LSAMP: variants seen among roughly 807,000 people sequenced by gnomAD.
LSAMP encodes limbic system-associated membrane protein.
In LSAMP, 7 loss-of-function variants were observed where a neutral mutation model predicts 38.6. That is an observed-to-expected ratio of 0.18 (90% CI 0.10 to 0.34). The LOEUF is 0.34. Ranked by LOEUF, LSAMP falls within the 10% of genes least tolerant of loss-of-function variation. The pLI, the probability that LSAMP is intolerant of heterozygous loss-of-function variation, is 1.00. For synonymous variants in LSAMP, 154 were observed against 166.8 expected (o/e 0.92, Z 0.59); for missense variants, 313 against 420.0 (o/e 0.75, Z 2.23).
At chr3:116,068,572 C>T (rs984247717) in intron 2 of LSAMP, among the ~76,000 whole-genome samples, 10 of 151,986 alleles carry the variant, frequency 6.6e-5, no homozygotes, top group Admixed American at 2.6e-4. Flanking sequence ...GTAAATGGGT[C>T]GATAAGATTT....
intron 3 of LSAMP, among the ~76,000 whole-genome samples, chr3:115,923,148 C>A (rs1937421472): frequency 6.6e-6 from 1 of 152,128 alleles, no homozygotes; most frequent in South Asian, 2.1e-4. Flanking sequence ...CTCAGTTGCC[C>A]AAGACACTCA....
At chr3:116,207,953 G>C (rs1345767798) in intron 1 of LSAMP, among the ~76,000 whole-genome samples, 6 of 148,446 alleles carry the variant, frequency 4.0e-5, no homozygotes, top group Non-Finnish European at 9.0e-5. Context: ...GGCCTGCCTT[G>C]CTAGATTGGG....
intron 1 of LSAMP, among the ~76,000 whole-genome samples, chr3:116,180,056 G>A (rs747115724): frequency 6.6e-6 from 1 of 151,982 alleles, no homozygotes; most frequent in South Asian, 2.1e-4. Flanking sequence ...GCTCATTTTC[G>A]TTCAATCATT....
chr3:116,113,636 AG>A (rs1323985167), intron 1 of LSAMP, among the ~76,000 whole-genome samples: 1 of 151,438 alleles, frequency 6.6e-6, no homozygotes, highest in African/African-American at 2.4e-5. Context: ...TGTTTTAGCC[AG>A]GATGGTCTCG....
chr3:116,273,814 T>C (rs2047011825), intron 1 of LSAMP, among the ~76,000 whole-genome samples: 1 of 146,282 alleles, frequency 6.8e-6, no homozygotes, highest in African/African-American at 2.5e-5. Flanking sequence ...TTTCTTTCTT[T>C]CTCTCTCTCT....
At chr3:115,861,959 G>A (rs755500909) in intron 3 of LSAMP, among the ~76,000 whole-genome samples, 15 of 152,122 alleles carry the variant, frequency 9.9e-5, no homozygotes, top group Non-Finnish European at 1.6e-4. Context: ...CCTCGGGTGC[G>A]GGGAAGAAGA....
Position 115,943,667 on chromosome 3 carries a change from A to C in LSAMP, c.514+75848T>G, listed in dbSNP as rs545313207. Among the ~76,000 whole-genome samples the C allele has an allele frequency of 3.3e-5, 5 of 152,334 alleles. No individual in the cohort carries two copies. The South Asian group carries it at 1.0e-3, about 32-fold the overall frequency. On this transcript the variant is annotated intron_variant, in intron 3 of 6. Transcript: ENST00000490035. ...TCACTTAAATGGGCATTTGCCCAAG[A>C]GATGCTACTTCACCTTCTGAAATCT... is the stretch of plus-strand genomic sequence containing the variant.
At chr3:115,830,477 G>A (rs1934572084) in intron 6 of LSAMP, among the ~76,000 whole-genome samples, 2 of 152,200 alleles carry the variant, frequency 1.3e-5, no homozygotes, top group South Asian at 4.1e-4. Context: ...AGGTTGAAAT[G>A]TAGGTGTCCT....
intron 1 of LSAMP, among the ~76,000 whole-genome samples, chr3:116,318,016 A>C (rs2047655810): frequency 6.6e-6 from 1 of 150,818 alleles, no homozygotes; most frequent in Admixed American, 6.6e-5. Context: ...GGTGCCTGTA[A>C]TCCCAGCTAC....
At chr3:116,268,440 T>C (rs1324214459) in intron 1 of LSAMP, among the ~76,000 whole-genome samples, 4 of 151,978 alleles carry the variant, frequency 2.6e-5, no homozygotes, top group Non-Finnish European at 5.9e-5. Flanking sequence ...TTCTCAGCTG[T>C]ATCTGAGGCA....
intron 1 of LSAMP, among the ~76,000 whole-genome samples, chr3:116,170,155 G>A (rs1006261880): frequency 1.3e-5 from 2 of 152,076 alleles, no homozygotes; most frequent in Non-Finnish European, 2.9e-5. Flanking sequence ...AAGCCTCTAT[G>A]TATAAGATTA....
At chr3:116,048,423 C>G (rs1277508629) in intron 2 of LSAMP, among the ~76,000 whole-genome samples, 1 of 152,084 alleles carries the variant, frequency 6.6e-6, no homozygotes, top group Non-Finnish European at 1.5e-5. Context: ...AAATATAGTG[C>G]ATTAAAGTGG....
chr3:115,926,859 TC>T (rs1937508868), intron 3 of LSAMP, among the ~76,000 whole-genome samples: 1 of 152,210 alleles, frequency 6.6e-6, no homozygotes, highest in African/African-American at 2.4e-5. Context: ...CTTTTCTTTC[TC>T]TTTTTTGTAC....
chr3:116,037,814 G>GAT (rs150224963), intron 2 of LSAMP, among the ~76,000 whole-genome samples: 1,853 of 151,632 alleles, frequency 0.012, 17 homozygotes, highest in Non-Finnish European at 0.021. Context: ...TAATCATACT[G>GAT]ATATATATAT....
intron 2 of LSAMP, among the ~76,000 whole-genome samples, chr3:116,031,193 G>A (rs1940911095): frequency 2.0e-5 from 3 of 152,056 alleles, no homozygotes. Flanking sequence ...AAAGGGTTCG[G>A]GGAACAATTC....
chr3:116,351,342 G>A (rs1002111254), intron 1 of LSAMP, among the ~76,000 whole-genome samples: 3 of 152,024 alleles, frequency 2.0e-5, no homozygotes, highest in African/African-American at 7.2e-5. Flanking sequence ...AGCTAGACAT[G>A]TGAAGGGAGA....
intron 1 of LSAMP, among the ~76,000 whole-genome samples, chr3:116,146,357 C>T (rs909114614): frequency 6.6e-6 from 1 of 151,898 alleles, no homozygotes; most frequent in Non-Finnish European, 1.5e-5. Context: ...TGATTCAGCT[C>T]TTTGCTACTT....
intron 1 of LSAMP, among the ~76,000 whole-genome samples, chr3:116,283,488 T>G (rs2107684440): frequency 6.6e-6 from 1 of 152,296 alleles, no homozygotes; most frequent in South Asian, 2.1e-4. Flanking sequence ...CAATAAAGTC[T>G]AAGTTTTGTG....
intron 6 of LSAMP, chr3:115,834,500 C>T (rs958083863): frequency 8.0e-6 from 9 of 1,122,074 alleles, no homozygotes; most frequent in Middle Eastern, 4.6e-4. Flanking sequence ...GTGTGTTTTG[C>T]ATGTTAAAGA....
Sources: gnomAD v4.1 joint callset for allele counts (sites outside exome capture counted in the v4.1 genomes callset) on GRCh38, gnomAD v4.1.1 for gene constraint, MANE v1.5 for transcripts, NCBI Gene and HGNC (gene_info 2026-07-23, HGNC 2026-07-21) for gene names.